The following PSG2 variants were observed in gnomAD, a reference collection of about 807,000 sequenced individuals.
The protein encoded by PSG2 is pregnancy-specific beta-1-glycoprotein 2.
Under a neutral mutation model 36.2 loss-of-function variants are expected in PSG2, and 49 were observed. That is an observed-to-expected ratio of 1.35 (90% CI 1.08 to 1.72). The LOEUF (loss-of-function observed/expected upper bound fraction) is 1.72. PSG2 is among the 40% of genes most tolerant of loss of function. PSG2 has a pLI of 0.00. For missense variants in PSG2, 605 were observed against 407.2 expected, an observed-to-expected ratio of 1.49 and a Z score of -4.18; for synonymous variants, 261 against 155.6, an observed-to-expected ratio of 1.68 and a Z score of -5.04.
rs531879725 is a variant in PSG2, at chr19:43,082,563, G to T, written c.7C>A (p.Pro3Thr). 5 of 1,611,932 alleles carry T rather than the reference G, an allele frequency of 3.1e-6. No homozygotes were observed. Among genetic ancestry groups the T allele is most frequent in the South Asian group, 2.2e-5 (2 of 91,010 alleles). Reference protein sequence around the residue: MGPLSAPPCTEHI... With the variant: MGTLSAPPCTEHI... ...TCTGTGCAGGGAGGGGCTGAGAGGGGCCCCATGGTCTCTGCTGCCTGTGTG... is the reference window on the plus strand; with the variant it reads ...TCTGTGCAGGGAGGGGCTGAGAGGGTCCCCATGGTCTCTGCTGCCTGTGTG... The change falls in exon 1 of 6, where the codon CCC becomes ACC. Residue 3 changes from proline to threonine, a missense_variant. Physicochemically the swap from Pro to Thr is conservative, Grantham distance 38 (BLOSUM62 -1). Transcript: ENST00000406487.
At chr19:43,067,980 A>G (rs572447872) in intron 4 of PSG2, among the ~76,000 whole-genome samples, 1 of 151,660 alleles carries the variant, frequency 6.6e-6, no homozygotes, top group South Asian at 2.1e-4. Context: ...GAGGGAAATA[A>G]TAAGGATTAG....
intron 4 of PSG2, among the ~76,000 whole-genome samples, chr19:43,068,098 T>A (rs1967765754): frequency 1.3e-5 from 2 of 151,412 alleles, no homozygotes; most frequent in African/African-American, 2.4e-5. Context: ...ATTAACTAGA[T>A]TGACTAAGAA....
chr19:43,075,080 G>A (rs1264259922), intron 3 of PSG2, among the ~76,000 whole-genome samples: 1 of 151,932 alleles, frequency 6.6e-6, no homozygotes, highest in Admixed American at 6.6e-5. Flanking sequence ...AATCCCCGCT[G>A]TGTTCACTGA....
In PSG2 at chr19:43,080,880, CGGTATAA is replaced by C. The variant is rs1967961251; in HGVS notation, c.424_430del (p.Leu142TrpfsTer13). ...CCCAGGGATCATGTGGAATCACTTACGGTATAAGGTGAAGGTGAAATATCCAGTTACT... is the reference window on the plus strand; with the variant it reads ...CCCAGGGATCATGTGGAATCACTTACGGTGAAGGTGAAATATCCAGTTACT... On this transcript the variant is annotated frameshift_variant and splice_region_variant, in exon 2 of 6. Transcript: ENST00000406487. LOFTEE classifies it high-confidence loss of function. 6.2e-7 allele frequency: 1 copy of C among 1,611,654 alleles called. No individual in the cohort carries two copies.
chr19:43,080,620 A>T (rs1280261904), intron 2 of PSG2, among the ~76,000 whole-genome samples: 1 of 151,540 alleles, frequency 6.6e-6, no homozygotes, highest in Non-Finnish European at 1.5e-5. Context: ...CTTGGCTGAG[A>T]CTGATCTCCT....
chr19:43,072,721 C>A (rs1357507034), intron 3 of PSG2: 3 of 1,562,788 alleles, frequency 1.9e-6, no homozygotes, highest in East Asian at 2.2e-5. Flanking sequence ...TCCCACCTCT[C>A]AGCCCACCTG....
chr19:43,079,940 T>C (rs937926978), intron 2 of PSG2, among the ~76,000 whole-genome samples: 27 of 151,820 alleles, frequency 1.8e-4, no homozygotes, highest in Admixed American at 3.3e-4. Context: ...GTTCAGTGAC[T>C]GTGCCTTCCT....
chr19:43,077,710 T>C (rs1430792346), intron 2 of PSG2, among the ~76,000 whole-genome samples: 1 of 151,772 alleles, frequency 6.6e-6, no homozygotes, highest in East Asian at 1.9e-4. Context: ...GTTACAGCAT[T>C]TGTATTTGTC....
At chr19:43,070,285 G>T (rs962435177) in intron 4 of PSG2, among the ~76,000 whole-genome samples, 1 of 151,708 alleles carries the variant, frequency 6.6e-6, no homozygotes. Context: ...GTAAAAATTG[G>T]TGTGCTGTTT....
chr19:43,064,331 C>T lies in PSG2; in HGVS notation c.*311G>A. On this transcript the variant is annotated 3_prime_UTR_variant, in exon 6 of 6. Coordinates refer to ENST00000406487, the MANE Select transcript of PSG2 (RefSeq NM_031246.4). ...TTCAATTTTTGTTTACAAAAGTATA[C>T]TTTACCAATTGCTCAAGAAAAAATG... 1 of 273,764 alleles carries T rather than the reference C, an allele frequency of 3.7e-6. No homozygotes were observed. Among genetic ancestry groups the T allele is most frequent in the Non-Finnish European group, 7.2e-6 (1 of 138,734 alleles). The allele number at this position is 273,764 out of a possible 1,614,324, so 17.0% of individuals were successfully genotyped here.
At chr19:43,078,068 C>T (rs1194585790) in intron 2 of PSG2, among the ~76,000 whole-genome samples, 1 of 151,684 alleles carries the variant, frequency 6.6e-6, no homozygotes, top group Admixed American at 6.6e-5. Context: ...GCCTCTGACA[C>T]CCTGGTGAGT....
intron 4 of PSG2, among the ~76,000 whole-genome samples, chr19:43,066,893 C>T (rs180958339): frequency 6.6e-6 from 1 of 150,988 alleles, no homozygotes; most frequent in African/African-American, 2.5e-5. Flanking sequence ...TTAGAACTTG[C>T]CACATTTTCA....
intron 3 of PSG2, among the ~76,000 whole-genome samples, chr19:43,075,118 C>G (rs1218996727): frequency 6.6e-6 from 1 of 151,834 alleles, no homozygotes; most frequent in South Asian, 2.1e-4. Context: ...TCACCTGTTT[C>G]TCCCATCACA....
intron 1 of PSG2, 136 bp from the exon 2 acceptor site, chr19:43,081,382 C>G: frequency 3.2e-6 from 4 of 1,236,380 alleles, no homozygotes; most frequent in Non-Finnish European, 4.3e-6. Context: ...CACACACACA[C>G]ACACACACAC....
chr19:43,074,939 G>A (rs10401408), intron 3 of PSG2, among the ~76,000 whole-genome samples: 26,646 of 151,370 alleles, frequency 0.18, 4,249 homozygotes, highest in African/African-American at 0.4. Context: ...GAAATGGTGG[G>A]GGCATCCAGG....
At chr19:43,076,469 G>T (rs890404958) in intron 2 of PSG2, among the ~76,000 whole-genome samples, 2 of 151,814 alleles carry the variant, frequency 1.3e-5, no homozygotes, top group Admixed American at 6.6e-5. Flanking sequence ...GGTGGAAAGG[G>T]TGAACATGAA....
intron 2 of PSG2, among the ~76,000 whole-genome samples, chr19:43,078,685 C>A (rs1253734182): frequency 1.3e-5 from 2 of 151,634 alleles, no homozygotes; most frequent in Non-Finnish European, 2.9e-5. Flanking sequence ...AGCCCTGATC[C>A]ACTGGGGAGG....
intron 2 of PSG2, among the ~76,000 whole-genome samples, chr19:43,079,491 C>T (rs1278299321): frequency 6.6e-6 from 1 of 150,908 alleles, no homozygotes; most frequent in Non-Finnish European, 1.5e-5. Flanking sequence ...TCATTCCATT[C>T]CTTCATTTGT....
In PSG2 at chr19:43,071,849, G is replaced by C. The variant is rs1477909033; in HGVS notation, c.815C>G (p.Ser272Cys). ...CTGAAACTTCCCATTAATTGTCCAA[G>C]AATACTGTGCCGGTGGGTTAGAGTT... The part of the protein sequence containing the change: ...FANSNPPAQY[S>C]WTINGKFQQS... The change falls in exon 4 of 6, where the codon TCT becomes TGT. Residue 272 changes from serine (S) to cysteine (C), a missense_variant. Transcript: ENST00000406487. The C allele has an allele frequency of 6.2e-7, 1 of 1,613,164 alleles. No individual in the cohort carries two copies. The highest frequency in any genetic ancestry group is 1.1e-5 in the South Asian group (1 of 91,040).
Sources: gnomAD v4.1 joint callset for allele counts (sites outside exome capture counted in the v4.1 genomes callset) on GRCh38, gnomAD v4.1.1 for gene constraint, MANE v1.5 for transcripts, NCBI Gene and HGNC (gene_info 2026-07-23, HGNC 2026-07-21) for gene names.